The following PCDHGA3 variants were observed in gnomAD, a reference collection of about 807,000 sequenced individuals.
The protein encoded by PCDHGA3 is protocadherin gamma-A3.
Under a neutral mutation model 58.5 loss-of-function variants are expected in PCDHGA3, and 40 were observed. The ratio of observed to expected loss-of-function variants is 0.68; its 90% CI spans 0.53 to 0.89. The LOEUF (loss-of-function observed/expected upper bound fraction) is 0.89, where lower values mean the gene tolerates loss of function less well. Among genes scored for constraint, PCDHGA3 ranks in the 40% least tolerant of loss-of-function variants. The pLI is 0.00. For synonymous variants in PCDHGA3, 530 were observed against 525.7 expected, an observed-to-expected ratio of 1.01 and a Z score of -0.11; for missense variants, 1,223 against 1,195.9, an observed-to-expected ratio of 1.02 and a Z score of -0.33.
At chr5:141,371,401 A>G (rs776331475) in intron 1 of PCDHGA3, 4 of 1,614,018 alleles carry the variant, frequency 2.5e-6, no homozygotes, top group Admixed American at 3.3e-5. Flanking sequence ...GTACAGATAG[A>G]TATTTCAGAT....
In PCDHGA3 at chr5:141,375,116, C is replaced by G. The variant is rs754682469; in HGVS notation, c.2424+28659C>G. On this transcript the variant is annotated intron_variant, in intron 1 of 3. Coordinates refer to ENST00000253812, the MANE Select transcript of PCDHGA3 (RefSeq NM_018916.4). ...TATCTTGGATGTCAATGATAATGTA[C>G]CAGAAGTGGTTGTTACATCTGGAAG... 4 of 1,613,768 alleles carry G rather than the reference C, an allele frequency of 2.5e-6. No individual in the cohort carries two copies. The highest frequency in any genetic ancestry group is 3.4e-6 in the Non-Finnish European group (4 of 1,179,904).
At chr5:141,403,054 A>C in intron 1 of PCDHGA3, 1 of 1,614,062 alleles carries the variant, frequency 6.2e-7, no homozygotes, top group Middle Eastern at 1.6e-4. Flanking sequence ...TTCGCTACTC[A>C]GTGCCTGAAG....
chr5:141,382,869 T>C (rs887588063), intron 1 of PCDHGA3: 1 of 1,519,592 alleles, frequency 6.6e-7, no homozygotes, highest in Non-Finnish European at 8.8e-7. Flanking sequence ...CTTCCCGAGA[T>C]CGGCGCCTAA....
In PCDHGA3 at chr5:141,382,874, G is replaced by T. The variant is rs369372304; in HGVS notation, c.2424+36417G>T. On this transcript the variant is annotated intron_variant, in intron 1 of 3. Coordinates refer to ENST00000253812, the MANE Select transcript of PCDHGA3 (RefSeq NM_018916.4). ...TTCTGAAGCACTTCCCGAGATCGGC[G>T]CCTAAGCAAGAGAAGCAGGACGACT... 2.9e-4 allele frequency: 441 copies of T among 1,522,954 alleles called. 1 individual carries two copies. The highest frequency in any genetic ancestry group is 3.8e-4 in the Non-Finnish European group (430 of 1,137,240). 94.3% of individuals were successfully genotyped at this position (1,522,954 alleles called of 1,614,324 possible).
chr5:141,465,966 C>CA (rs2099113454), intron 1 of PCDHGA3, among the ~76,000 whole-genome samples: 1 of 151,802 alleles, frequency 6.6e-6, no homozygotes, highest in Non-Finnish European at 1.5e-5. Flanking sequence ...ACTAAAAATA[C>CA]AAAAAATTAG....
chr5:141,381,233 C>T (rs978967101), intron 1 of PCDHGA3, among the ~76,000 whole-genome samples: 1 of 152,276 alleles, frequency 6.6e-6, no homozygotes, highest in African/African-American at 2.4e-5. Flanking sequence ...CCACCAACTA[C>T]TCTCCAGGAC....
chr5:141,410,079 T>A, intron 1 of PCDHGA3: 1 of 1,612,494 alleles, frequency 6.2e-7, no homozygotes, highest in Non-Finnish European at 8.5e-7. Context: ...ACTGGGGAGG[T>A]GCGCACGGCT....
chr5:141,470,021 C>T (rs111919483), intron 1 of PCDHGA3, among the ~76,000 whole-genome samples: 8 of 152,156 alleles, frequency 5.3e-5, no homozygotes, highest in African/African-American at 1.9e-4. Flanking sequence ...CCCAGCTACT[C>T]GGGATGCTGA....
At chr5:141,360,953 T>G in intron 1 of PCDHGA3, 1 of 1,613,930 alleles carries the variant, frequency 6.2e-7, no homozygotes, top group Non-Finnish European at 8.5e-7. Context: ...GATGAAGGCA[T>G]AAACGCAGAG....
chr5:141,372,168 G>T, intron 1 of PCDHGA3: 1 of 1,613,754 alleles, frequency 6.2e-7, no homozygotes. Flanking sequence ...GACCAAGGTG[G>T]TGGCGGTGGA....
At chr5:141,494,569 T>G (rs1341706026) in intron 1 of PCDHGA3, among the ~76,000 whole-genome samples, 2 of 152,190 alleles carry the variant, frequency 1.3e-5, no homozygotes, top group Non-Finnish European at 2.9e-5. Flanking sequence ...GAAAGGAGTC[T>G]CAGCTTGCTC....
intron 1 of PCDHGA3, among the ~76,000 whole-genome samples, chr5:141,482,771 A>ACCTAAAATCTCAAACAC (rs1168136626): frequency 4.9e-5 from 7 of 141,414 alleles, no homozygotes; most frequent in African/African-American, 8.5e-5. Flanking sequence ...ATTATCACTG[A>ACCTAAAATCTCAAACAC]ACCTTAAACT....
At chr5:141,423,885 A>G in intron 1 of PCDHGA3, 6 of 1,277,816 alleles carry the variant, frequency 4.7e-6, no homozygotes, top group Non-Finnish European at 5.9e-6. Flanking sequence ...ATCTTGGCAT[A>G]TTTTCTTTTG....
chr5:141,370,026 T>G (rs969820845), intron 1 of PCDHGA3, among the ~76,000 whole-genome samples: 1 of 152,354 alleles, frequency 6.6e-6, no homozygotes, highest in Non-Finnish European at 1.5e-5. Context: ...ACTAAAGATA[T>G]AGTAAGTATA....
intron 1 of PCDHGA3, among the ~76,000 whole-genome samples, chr5:141,456,876 T>C (rs188356008): frequency 1.5e-3 from 222 of 152,196 alleles, no homozygotes; most frequent in African/African-American, 5.2e-3. Flanking sequence ...GGCAGGAGAA[T>C]CGCTTGAACC....
chr5:141,507,862 G>T (rs17286954), intron 3 of PCDHGA3, among the ~76,000 whole-genome samples: 20,426 of 152,154 alleles, frequency 0.13, 1,374 homozygotes, highest in Admixed American at 0.16. Context: ...TTTCACACCC[G>T]CTTCCTAGCC....
intron 1 of PCDHGA3, among the ~76,000 whole-genome samples, chr5:141,449,229 A>G (rs1356585763): frequency 1.3e-5 from 2 of 152,142 alleles, no homozygotes; most frequent in South Asian, 2.1e-4. Context: ...AATGATTTCA[A>G]ATTTTCAAAG....
At chr5:141,416,200 T>G (rs1318033556) in intron 1 of PCDHGA3, 2 of 152,444 alleles carry the variant, frequency 1.3e-5, no homozygotes, top group African/African-American at 4.8e-5. Context: ...ATTAACAATT[T>G]ATTTATAACA....
intron 1 of PCDHGA3, among the ~76,000 whole-genome samples, chr5:141,438,633 T>C (rs1222106413): frequency 2.9e-5 from 1 of 34,046 alleles, no homozygotes; most frequent in Non-Finnish European, 5.1e-5. Context: ...TATATATATA[T>C]ATACACACAC....
Sources: allele counts gnomAD v4.1 joint callset (sites outside exome capture counted in the v4.1 genomes callset), GRCh38; gene constraint gnomAD v4.1.1; transcripts MANE v1.5; gene names NCBI Gene and HGNC (gene_info 2026-07-23, HGNC 2026-07-21).